The following H2BN1 variants were observed in gnomAD, a reference collection of about 807,000 sequenced individuals.
H2BN1 encodes the protein histone H2B.N.
the H2BN1 span, among the ~76,000 whole-genome samples, chr17:32,904,514 AC>A: frequency 6.6e-6 from 1 of 152,152 alleles, no homozygotes; most frequent in Non-Finnish European, 1.5e-5. Context: ...AACCTCTGGT[AC>A]CCCCAAAGCC....
chr17:32,900,343 T>G, the H2BN1 span, among the ~76,000 whole-genome samples: 31 of 152,334 alleles, frequency 2.0e-4, no homozygotes, highest in African/African-American at 5.1e-4. Flanking sequence ...AAATTTTGAC[T>G]TTAGGGAACC....
At chr17:32,906,323 A>C in the H2BN1 span, 1 of 152,262 alleles carries the variant, frequency 6.6e-6, no homozygotes, top group African/African-American at 2.4e-5. Context: ...CATCACTGGC[A>C]GAGAGATCCT....
the H2BN1 span, among the ~76,000 whole-genome samples, chr17:32,897,868 T>C: frequency 6.6e-6 from 1 of 152,186 alleles, no homozygotes; most frequent in African/African-American, 2.4e-5. Context: ...CAAAGTAAAA[T>C]GCTTACTTAA....
the H2BN1 span, among the ~76,000 whole-genome samples, chr17:32,903,499 A>T: frequency 6.6e-6 from 1 of 152,330 alleles, no homozygotes; most frequent in Admixed American, 6.5e-5. Context: ...TAGAAATTAT[A>T]AAGTCCTTTT....
At chr17:32,905,645 T>C in the H2BN1 span, 1 of 152,154 alleles carries the variant, frequency 6.6e-6, no homozygotes, top group Non-Finnish European at 1.5e-5. Context: ...GGGCACAGTG[T>C]GTTTTTGCAT....
At chr17:32,901,258 C>T in the H2BN1 span, among the ~76,000 whole-genome samples, 1 of 151,800 alleles carries the variant, frequency 6.6e-6, no homozygotes, top group African/African-American at 2.4e-5. Flanking sequence ...TTTCCATAAA[C>T]CTTTTATAAC....
At chr17:32,903,042 A>G in the H2BN1 span, among the ~76,000 whole-genome samples, 2 of 152,144 alleles carry the variant, frequency 1.3e-5, no homozygotes, top group Admixed American at 1.3e-4. Context: ...AATAATGTTA[A>G]GGTTAATTTA....
chr17:32,902,316 C>T, the H2BN1 span, among the ~76,000 whole-genome samples: 1 of 152,222 alleles, frequency 6.6e-6, no homozygotes, highest in East Asian at 1.9e-4. Flanking sequence ...AGACAGTGAT[C>T]TCAGTTTTAA....
At chr17:32,905,687 T>C in the H2BN1 span, 1 of 152,134 alleles carries the variant, frequency 6.6e-6, no homozygotes, top group African/African-American at 2.4e-5. Flanking sequence ...GCAATCAGTA[T>C]GTATAAGATG....
chr17:32,897,474 G>A, the H2BN1 span, among the ~76,000 whole-genome samples: 2,155 of 152,190 alleles, frequency 0.014, 46 homozygotes, highest in African/African-American at 0.047. Context: ...GGATTAGAGC[G>A]TTGGGTAAAT....
chr17:32,902,036 A>C, the H2BN1 span, among the ~76,000 whole-genome samples: 1 of 151,958 alleles, frequency 6.6e-6, no homozygotes, highest in Non-Finnish European at 1.5e-5. Flanking sequence ...CTCTTTCTTA[A>C]ACCATCAGTT....
chr17:32,904,760 C>CTTT, the H2BN1 span, among the ~76,000 whole-genome samples: 4 of 143,872 alleles, frequency 2.8e-5, no homozygotes, highest in African/African-American at 1.0e-4. Context: ...AATGAAAGAA[C>CTTT]TTTTTTTTTT....
chr17:32,898,563 C>T, the H2BN1 span, among the ~76,000 whole-genome samples: 1 of 152,162 alleles, frequency 6.6e-6, no homozygotes, highest in Non-Finnish European at 1.5e-5. Flanking sequence ...CACATCCCCC[C>T]TTTTCTTTTT....
At chr17:32,903,654 G>A in the H2BN1 span, among the ~76,000 whole-genome samples, 1 of 152,194 alleles carries the variant, frequency 6.6e-6, no homozygotes, top group Non-Finnish European at 1.5e-5. Flanking sequence ...AAAGCAGGCA[G>A]AAGAGAAAAA....
At chr17:32,896,439 C>G in the H2BN1 span, among the ~76,000 whole-genome samples, 1 of 152,140 alleles carries the variant, frequency 6.6e-6, no homozygotes, top group Non-Finnish European at 1.5e-5. Context: ...AAAATCTTCC[C>G]CCTCAAAAGC....
chr17:32,900,283 T>C, the H2BN1 span, among the ~76,000 whole-genome samples: 1 of 152,228 alleles, frequency 6.6e-6, no homozygotes, highest in Non-Finnish European at 1.5e-5. Flanking sequence ...AATTTGTATA[T>C]AAAATAATTC....
At chr17:32,903,722 C>T in the H2BN1 span, among the ~76,000 whole-genome samples, 27 of 152,280 alleles carry the variant, frequency 1.8e-4, no homozygotes, top group East Asian at 2.5e-3. Context: ...GGCTCTTTTT[C>T]TCTAATGTAA....
the H2BN1 span, among the ~76,000 whole-genome samples, chr17:32,903,741 A>G: frequency 6.6e-6 from 1 of 152,238 alleles, no homozygotes; most frequent in Non-Finnish European, 1.5e-5. Context: ...AAGTGTGTAC[A>G]AGGACCATAT....
the H2BN1 span, among the ~76,000 whole-genome samples, chr17:32,899,594 G>A: frequency 6.6e-6 from 1 of 152,162 alleles, no homozygotes; most frequent in Admixed American, 6.5e-5. Context: ...GTCGTGTCCT[G>A]TTATAAATGA....
Sources: gnomAD v4.1 joint callset for allele counts (sites outside exome capture counted in the v4.1 genomes callset) on GRCh38, gnomAD v4.1.1 for gene constraint, MANE v1.5 for transcripts, NCBI Gene and HGNC (gene_info 2026-07-23, HGNC 2026-07-21) for gene names.